HOXA3: variants seen among roughly 807,000 people sequenced by gnomAD.
HOXA3 encodes homeobox protein Hox-A3.
In HOXA3, 8 loss-of-function variants were observed where a neutral mutation model predicts 30.3. That is an observed-to-expected ratio of 0.26 (90% confidence interval 0.15 to 0.48). The LOEUF (loss-of-function observed/expected upper bound fraction) is 0.48, where lower values mean the gene tolerates loss of function less well. HOXA3 is among the 20% of genes least tolerant of loss of function. The pLI is 0.99. For missense variants in HOXA3, 653 were observed against 614.4 expected, an observed-to-expected ratio of 1.06 and a Z score of -0.66; for synonymous variants, 323 against 273.1, an observed-to-expected ratio of 1.18 and a Z score of -1.80.
chr7:27,144,819 C>T (rs1011952093), intron 1 of HOXA3, among the ~76,000 whole-genome samples: 2 of 152,236 alleles, frequency 1.3e-5, no homozygotes, highest in South Asian at 2.1e-4. Flanking sequence ...GCTGGAGGCC[C>T]GGCGTTGCAG....
At chr7:27,140,779 TTC>T (rs1378619845) in intron 1 of HOXA3, among the ~76,000 whole-genome samples, 1 of 152,208 alleles carries the variant, frequency 6.6e-6, no homozygotes, top group East Asian at 1.9e-4. Flanking sequence ...TTCTTGCTCT[TTC>T]TCTCTTTTTT....
intron 4 of HOXA3, among the ~76,000 whole-genome samples, chr7:27,112,493 G>A (rs777054572): frequency 6.6e-5 from 10 of 152,144 alleles, no homozygotes; most frequent in African/African-American, 1.2e-4. Flanking sequence ...TTACAGCATC[G>A]CTTATCCAGA....
intron 1 of HOXA3, chr7:27,143,178 C>T (rs1472323597): frequency 6.2e-7 from 1 of 1,611,186 alleles, no homozygotes; most frequent in East Asian, 2.2e-5. Context: ...GACGCCGTGC[C>T]AACCCCCTCT....
At chr7:27,141,546 T>A (rs1782570006) in intron 1 of HOXA3, 1 of 271,094 alleles carries the variant, frequency 3.7e-6, no homozygotes, top group Non-Finnish European at 7.0e-6. Flanking sequence ...CTCTTTTCTT[T>A]TTTTGTTATA....
At chr7:27,147,011 C>A (rs1046844018) in intron 1 of HOXA3, among the ~76,000 whole-genome samples, 1 of 152,126 alleles carries the variant, frequency 6.6e-6, no homozygotes, top group African/African-American at 2.4e-5. Flanking sequence ...CCCTCCCCAC[C>A]AGCCTCTCTC....
Position 27,133,089 on chromosome 7 carries a change from C to T in HOXA3, c.-389-6019G>A, listed in dbSNP as rs941942876. ...TTAGGAAGATGGCCTTACACAGAAT[C>T]CCCCAAGGCCTGTAACTTGTCTTTG... On this transcript the variant is annotated intron_variant, in intron 2 of 5. Coordinates refer to ENST00000612286, the MANE Select transcript of HOXA3 (RefSeq NM_153631.3). Among the ~76,000 whole-genome samples, 4 of 152,158 alleles carry T rather than the reference C, an allele frequency of 2.6e-5. No individual in the cohort carries two copies. The South Asian group carries it at 6.2e-4, about 24-fold the overall frequency.
At chr7:27,135,322 A>T (rs1430519366) in intron 2 of HOXA3, among the ~76,000 whole-genome samples, 1 of 151,648 alleles carries the variant, frequency 6.6e-6, no homozygotes, top group East Asian at 1.9e-4. Flanking sequence ...CTAGTTATTC[A>T]CTTATAGCTT....
At chr7:27,129,176 G>A (rs762280127) in intron 2 of HOXA3, 1 of 1,112,464 alleles carries the variant, frequency 9.0e-7, no homozygotes, top group South Asian at 1.2e-5. Context: ...CAGGAGAAGA[G>A]AAGAGAAAAG....
At chr7:27,130,452 C>A (rs776547456) in intron 2 of HOXA3, 1 of 1,222,598 alleles carries the variant, frequency 8.2e-7, no homozygotes, top group South Asian at 3.3e-5. Context: ...TGTCCGCGGC[C>A]CCATGCGCGG....
intron 5 of HOXA3, 73 bp downstream of exon 5, chr7:27,110,042 T>C (rs1784271663): frequency 6.4e-7 from 1 of 1,559,878 alleles, no homozygotes; most frequent in Admixed American, 1.7e-5. Context: ...TAGGCTGTGC[T>C]GGATGTCGTG....
At chr7:27,130,536 G>A (rs1165843386) in intron 2 of HOXA3, 1 of 1,365,222 alleles carries the variant, frequency 7.3e-7, no homozygotes, top group Admixed American at 3.2e-5. Context: ...TGGGCTCTCG[G>A]CCGCCGCCCG....
At chr7:27,146,383 T>C (rs895906557) in intron 1 of HOXA3, among the ~76,000 whole-genome samples, 102 of 152,168 alleles carry the variant, frequency 6.7e-4, no homozygotes, top group Non-Finnish European at 1.3e-4. Flanking sequence ...AACACATTTT[T>C]TGAAGAGTTA....
intron 3 of HOXA3, among the ~76,000 whole-genome samples, chr7:27,124,956 C>T (rs1785219284): frequency 6.6e-6 from 1 of 152,176 alleles, no homozygotes; most frequent in African/African-American, 2.4e-5. Flanking sequence ...TCTGTCCCCT[C>T]CTGAGCCCAG....
chr7:27,144,870 C>T (rs1482061717), intron 1 of HOXA3, among the ~76,000 whole-genome samples: 3 of 152,232 alleles, frequency 2.0e-5, no homozygotes. Context: ...CTGGCGGCTC[C>T]CATGGCCCTG....
chr7:27,141,627 A>G (rs747208206), intron 1 of HOXA3: 2 of 509,474 alleles, frequency 3.9e-6, no homozygotes, highest in Non-Finnish European at 6.6e-6. Context: ...AGACAAAGCC[A>G]TTCAGGACAA....
chr7:27,119,798 G>T (rs1225727119), intron 4 of HOXA3, among the ~76,000 whole-genome samples: 1 of 152,124 alleles, frequency 6.6e-6, no homozygotes, highest in African/African-American at 2.4e-5. Flanking sequence ...AAATCAGAAA[G>T]GCAATAAAAG....
intron 1 of HOXA3, chr7:27,150,056 T>C (rs1782916122): frequency 6.6e-6 from 1 of 152,216 alleles, no homozygotes; most frequent in African/African-American, 2.4e-5. Context: ...GAAAACATTA[T>C]ATTTCTAGCT....
At chr7:27,127,405 AC>A (rs1247290618) in intron 2 of HOXA3, among the ~76,000 whole-genome samples, 4 of 152,236 alleles carry the variant, frequency 2.6e-5, no homozygotes, top group African/African-American at 9.7e-5. Context: ...TGTATCACAC[AC>A]AGGGCAGCAG....
Position 27,133,447 on chromosome 7 carries a change from G to A in HOXA3, c.-389-6377C>T, listed in dbSNP as rs73288596. On this transcript the variant is annotated intron_variant, in intron 2 of 5. Transcript: ENST00000612286. Reference sequence around the variant, plus strand: ...ATGGGATGCCCTGAAATGTAGCAGAGAGGGAGCATGCTAATCCTCACACAC... The same window carrying A: ...ATGGGATGCCCTGAAATGTAGCAGAAAGGGAGCATGCTAATCCTCACACAC... 5.3e-3 allele frequency among the ~76,000 whole-genome samples: 807 copies of A among 152,360 alleles called. 7 individuals carry two copies. Among genetic ancestry groups the A allele is most frequent in the African/African-American group, 0.017 (714 of 41,582 alleles).
Sources: allele counts gnomAD v4.1 joint callset (sites outside exome capture counted in the v4.1 genomes callset), GRCh38; gene constraint gnomAD v4.1.1; transcripts MANE v1.5; gene names NCBI Gene and HGNC (gene_info 2026-07-23, HGNC 2026-07-21).